Variants in EIF4B observed in about 807,000 individuals in gnomAD.
EIF4B encodes eukaryotic translation initiation factor 4B.
A neutral mutation model predicts 79.3 loss-of-function variants in EIF4B; 8 were observed. That is an observed-to-expected ratio of 0.10 (90% CI 0.06 to 0.18). EIF4B has a LOEUF of 0.18. Ranked by LOEUF, EIF4B falls within the 10% of genes least tolerant of loss-of-function variation. The pLI is 1.00. For missense variants in EIF4B, 515 were observed against 792.4 expected, an observed-to-expected ratio of 0.65 and a Z score of 4.20; for synonymous variants, 238 against 274.7, an observed-to-expected ratio of 0.87 and a Z score of 1.32.
intron 5 of EIF4B, 170 bp from the exon 6 acceptor site, chr12:53,022,323 A>G (rs1231438873): frequency 1.1e-6 from 1 of 935,156 alleles, no homozygotes; most frequent in African/African-American, 1.6e-5. Flanking sequence ...GGAGGAAAAG[A>G]GCCACCTGGG....
chr12:53,019,849 C>A, intron 3 of EIF4B, 61 bp from the exon 4 acceptor site: 2 of 1,540,334 alleles, frequency 1.3e-6, no homozygotes, highest in Non-Finnish European at 1.8e-6. Flanking sequence ...GTAGTCCTCT[C>A]AAAAAATGAC....
At chr12:53,017,876 C>G (rs1161460670) in intron 2 of EIF4B, among the ~76,000 whole-genome samples, 1 of 152,236 alleles carries the variant, frequency 6.6e-6, no homozygotes. Flanking sequence ...CAGGCATGAG[C>G]CACTGCACCC....
intron 1 of EIF4B, chr12:53,012,230 C>T (rs937019983): frequency 6.6e-6 from 1 of 152,094 alleles, no homozygotes; most frequent in Non-Finnish European, 1.5e-5. Flanking sequence ...AGTTGAAGAT[C>T]TTGTAAGGAA....
intron 2 of EIF4B, among the ~76,000 whole-genome samples, chr12:53,018,349 TAGGAATACAAG>T (rs1943181466): frequency 6.6e-6 from 1 of 152,078 alleles, no homozygotes; most frequent in South Asian, 2.1e-4. Context: ...AACTCACCAC[TAGGAATACAAG>T]AGTTGTCAGT....
At position 53,037,576 on chromosome 12, in the gene EIF4B, C is replaced by A; in HGVS notation, c.1474C>A (p.Pro492Thr). The A allele has an allele frequency of 6.2e-7, 1 of 1,613,992 alleles. No homozygotes were observed. Among genetic ancestry groups the A allele is most frequent in the East Asian group, 2.2e-5 (1 of 44,886 alleles). Residue 492 changes from proline to threonine, a missense_variant, in exon 11 of 15, where the codon CCT (proline) becomes ACT (threonine). By Grantham distance (38) the Pro-to-Thr change is conservative. Around this residue, in one of 6 missense-constraint regions of EIF4B, gnomAD observed 146 missense variants for 228.0 expected, o/e 0.64. Coordinates refer to ENST00000262056, the MANE Select transcript of EIF4B (RefSeq NM_001417.7). The part of the protein sequence containing the change: ...NAWVKRSSNP[P>T]ARSQSSDTEQ... ...TTGGGTGAAGCGAAGTTCTAACCCT[C>A]CTGCTCGATCTCAGAGCTCAGACAC... is the stretch of plus-strand genomic sequence containing the variant.
chr12:53,009,474 G>A (rs377124607), intron 1 of EIF4B, among the ~76,000 whole-genome samples: 227 of 148,242 alleles, frequency 1.5e-3, no homozygotes, highest in African/African-American at 5.3e-3. Flanking sequence ...CGGCCTGGGC[G>A]ACAGAGCGAG....
chr12:53,016,426 A>G (rs1466509068), intron 1 of EIF4B, 47 bp from the exon 2 acceptor site: 1 of 1,609,984 alleles, frequency 6.2e-7, no homozygotes, highest in Non-Finnish European at 8.5e-7. Flanking sequence ...CAACTCTGTA[A>G]ATACCTGAGT....
intron 5 of EIF4B, 33 bp from the exon 6 acceptor site, chr12:53,022,460 T>C (rs1943261571): frequency 1.9e-6 from 3 of 1,605,182 alleles, no homozygotes; most frequent in Non-Finnish European, 2.6e-6. Flanking sequence ...TTTTATGAGA[T>C]AACTTACGGT....
In EIF4B at chr12:53,027,914, A is replaced by G. The variant is rs753430390; in HGVS notation, c.800A>G (p.Asp267Gly). 9.9e-6 allele frequency: 16 copies of G among 1,614,012 alleles called. No individual in the cohort carries two copies. Among genetic ancestry groups the G allele is most frequent in the Non-Finnish European group, 1.3e-5 (15 of 1,179,906 alleles). Reference sequence around the variant, plus strand: ...GATGACCGAGGCAGCAGAGACTATGATAGAGGTAATTGTAAAACATGTCGA... The same window carrying G: ...GATGACCGAGGCAGCAGAGACTATGGTAGAGGTAATTGTAAAACATGTCGA... ...RYDDRGSRDY[D>G]RGYDSRIGSG... The change falls in exon 7 of 15, where the codon GAT (aspartate) becomes GGT (glycine). Residue 267 changes from aspartate (D) to glycine (G), a missense_variant. Asp to Gly is a moderately conservative substitution (Grantham distance 94, BLOSUM62 -1). Transcript: ENST00000262056.
At chr12:53,036,306 G>A (rs1330899210) in intron 10 of EIF4B, among the ~76,000 whole-genome samples, 1 of 152,030 alleles carries the variant, frequency 6.6e-6, no homozygotes, top group Non-Finnish European at 1.5e-5. Context: ...TAAAGACGGG[G>A]TTTCACCATG....
chr12:53,034,789 A>G, intron 10 of EIF4B, 80 bp downstream of exon 10: 1 of 1,490,076 alleles, frequency 6.7e-7, no homozygotes, highest in Non-Finnish European at 9.4e-7. Flanking sequence ...GAGACCCTGC[A>G]ATATTTAAAT....
At chr12:53,031,754 A>G (rs1051316655) in intron 8 of EIF4B, among the ~76,000 whole-genome samples, 2 of 152,220 alleles carry the variant, frequency 1.3e-5, no homozygotes, top group Admixed American at 6.5e-5. Context: ...ATCTACAGGT[A>G]CTATGTGCAT....
Position 53,033,366 on chromosome 12 carries a change from C to T in EIF4B, c.980-440C>T, listed in dbSNP as rs189957207. Among the ~76,000 whole-genome samples, 188 of 132,500 alleles carry T rather than the reference C, an allele frequency of 1.4e-3. 1 individual carries two copies. Among genetic ancestry groups the T allele is most frequent in the African/African-American group, 4.9e-3 (178 of 36,184 alleles). 86.9% of individuals were successfully genotyped at this position (132,500 alleles called of 152,430 possible). A position where few individuals can be genotyped will look rare whatever the true frequency, so the allele number is the denominator to read the frequency against. ...TTTTTTCTTTTTTTTATTTTTGAGA[C>T]GGAGCCTTGCTCTGTCACCAGGCTG... On this transcript the variant is annotated intron_variant, in intron 8 of 14. Coordinates refer to ENST00000262056, the MANE Select transcript of EIF4B (RefSeq NM_001417.7).
At chr12:53,015,859 T>A (rs1943140993) in intron 1 of EIF4B, among the ~76,000 whole-genome samples, 1 of 151,268 alleles carries the variant, frequency 6.6e-6, no homozygotes, top group Non-Finnish European at 1.5e-5. Context: ...GTGCCTGTAA[T>A]CCCAAGTATT....
intron 14 of EIF4B, chr12:53,039,942 G>C: frequency 5.7e-6 from 4 of 704,492 alleles, no homozygotes; most frequent in Non-Finnish European, 9.4e-6. Flanking sequence ...AAGGTGTAGA[G>C]GTGGTATGAG....
chr12:53,029,372 ATT>A (rs1240569005), intron 8 of EIF4B, among the ~76,000 whole-genome samples: 27 of 81,058 alleles, frequency 3.3e-4, no homozygotes, highest in East Asian at 6.2e-4. Flanking sequence ...TCCTTTTTTT[ATT>A]TTATTTTTTT....
In EIF4B at chr12:53,039,241, A is replaced by G; in HGVS notation, c.1580A>G (p.Glu527Gly). 1.2e-6 allele frequency: 2 copies of G among 1,603,168 alleles called. No homozygotes were observed. Among genetic ancestry groups the G allele is most frequent in the Non-Finnish European group, 1.7e-6 (2 of 1,173,524 alleles). ...PSEEGPGRKD[E>G]NKVDGMNAPK... The stretch of plus-strand genomic sequence containing the variant: ...GTTTACATTACTGCCCAAGCAGATG[A>G]AAATAAAGTAGATGGGATGAATGCC... The change falls in exon 13 of 15, where the codon GAA becomes GGA. Residue 527 changes from glutamate (E) to glycine (G), a missense_variant. By Grantham distance (98) the Glu-to-Gly change is moderately conservative. Around this residue, in one of 6 missense-constraint regions of EIF4B, gnomAD observed 146 missense variants for 228.0 expected, o/e 0.64. Coordinates refer to ENST00000262056, the MANE Select transcript of EIF4B (RefSeq NM_001417.7).
rs777111413 is a variant in EIF4B at position 53,027,136 on chromosome 12, A to ATTTTTTTTTTTTTTTTTTTTTTTTTT, written c.668-646_668-645insTTTTTTTTTTTTTTTTTTTTTTTTTT. ...GAGACTGTCTCTCAAAAAAAAAAAA[A>ATTTTTTTTTTTTTTTTTTTTTTTTTT]ATTTTTTTTTTTTTTTTTTTTGAGA... On this transcript the variant is annotated intron_variant, in intron 6 of 14. Coordinates refer to ENST00000262056, the MANE Select transcript of EIF4B (RefSeq NM_001417.7). Among the ~76,000 whole-genome samples the ATTTTTTTTTTTTTTTTTTTTTTTTTT allele has an allele frequency of 4.1e-4, 12 of 29,486 alleles. 4 individuals are homozygous for ATTTTTTTTTTTTTTTTTTTTTTTTTT. The highest frequency in any genetic ancestry group is 1.3e-3 in the Non-Finnish European group (11 of 8,216). 19.3% of individuals were successfully genotyped at this position (29,486 alleles called of 152,430 possible).
chr12:53,039,075 A>T (rs1943586762), intron 12 of EIF4B, 163 bp from the exon 13 acceptor site: 1 of 574,954 alleles, frequency 1.7e-6, no homozygotes, highest in African/African-American at 1.9e-5. Flanking sequence ...TGTGCTGTAG[A>T]GGATGTGGAA....
Sources: gnomAD v4.1 joint callset for allele counts (sites outside exome capture counted in the v4.1 genomes callset) on GRCh38, gnomAD v4.1.1 for gene constraint, gnomAD v4.1.1 regional missense constraint, MANE v1.5 for transcripts, NCBI Gene and HGNC (gene_info 2026-07-23, HGNC 2026-07-21) for gene names.